The following ZNF705G variants were observed in gnomAD, a reference collection of about 807,000 sequenced individuals.
ZNF705G encodes zinc finger protein 705G.
A neutral mutation model predicts 19.6 loss-of-function variants in ZNF705G; 23 were observed. That is an observed-to-expected ratio of 1.17 (90% CI 0.84 to 1.66). ZNF705G has a LOEUF of 1.66. ZNF705G is among the 40% of genes most tolerant of loss of function. The pLI, the probability that ZNF705G is intolerant of heterozygous loss-of-function variation, is 0.00. For missense variants in ZNF705G, 457 were observed against 354.4 expected, an observed-to-expected ratio of 1.29 and a Z score of -2.32; for synonymous variants, 146 against 117.7, an observed-to-expected ratio of 1.24 and a Z score of -1.56.
At position 7,361,342 on chromosome 8, in the gene ZNF705G, G is replaced by A. The variant is rs1392198364; in HGVS notation, c.13-106C>T. On this transcript the variant is annotated intron_variant, in intron 3 of 6. Transcript: ENST00000400156. ...AGCAGCTGGGTATGCAGAATACTCAGTGTTTTGGGTTCCAGCCAGTTCATT... is the reference window on the plus strand; with the variant it reads ...AGCAGCTGGGTATGCAGAATACTCAATGTTTTGGGTTCCAGCCAGTTCATT... 7 of 1,576,626 alleles carry A rather than the reference G, an allele frequency of 4.4e-6. No individual in the cohort carries two copies. In the East Asian group the frequency reaches 6.7e-5, roughly 15 times the overall value.
intron 3 of ZNF705G, among the ~76,000 whole-genome samples, 176 bp downstream of exon 3, chr8:7,362,759 G>C (rs1365523256): frequency 3.3e-5 from 5 of 149,366 alleles, no homozygotes; most frequent in African/African-American, 5.2e-5. Context: ...TGGGGGGCCA[G>C]ATACCTGAAA....
At position 7,358,665 on chromosome 8, in the gene ZNF705G, G is replaced by T. The variant is rs565415120; in HGVS notation, c.319-105C>A. ...ACCAACCATTCAGTGGTAGACCCCA[G>T]TTGAAAGCTTTCCAATGTTTCTTGT... On this transcript the variant is annotated intron_variant, in intron 6 of 6. Transcript: ENST00000400156. 20 of 1,521,110 alleles carry T rather than the reference G, an allele frequency of 1.3e-5. No homozygotes were observed. The African/African-American group carries it at 1.8e-4, about 14-fold the overall frequency. 94.2% of individuals were successfully genotyped at this position (1,521,110 alleles called of 1,614,324 possible).
In ZNF705G at chr8:7,358,586, T is replaced by C. The variant is rs1454505796; in HGVS notation, c.319-26A>G. ...CTTTGGGGCAAATATTAAAAGCTCT[T>C]AATGGTTTACCCACATATATCTATA... On this transcript the variant is annotated intron_variant, in intron 6 of 6. Transcript: ENST00000400156. 3.7e-6 allele frequency: 6 copies of C among 1,606,606 alleles called. 1 individual carries two copies. In the African/African-American group the frequency reaches 7.0e-5, roughly 19 times the overall value.
chr8:7,358,226 T>C lies in ZNF705G; in HGVS notation c.653A>G (p.His218Arg), dbSNP rs1563287906. 3 of 1,607,692 alleles carry C rather than the reference T, an allele frequency of 1.9e-6. 1 individual carries two copies. The highest frequency in any genetic ancestry group is 2.8e-5 in the African/African-American group (2 of 71,350). The change falls in exon 7 of 7, where the codon CAC becomes CGC. Residue 218 changes from histidine (H) to arginine (R), a missense_variant. Coordinates refer to ENST00000400156, the MANE Select transcript of ZNF705G (RefSeq NM_001164457.3). ...AFTQCSHLRR[H>R]EKTHTGQRPY... ...TCTCTGTCCCGTGTGAGTTTTCTCG[T>C]GTCTTCTAAGGTGAGAACACTGAGT...
intron 1 of ZNF705G, among the ~76,000 whole-genome samples, chr8:7,382,992 C>A (rs1160635851): frequency 2.7e-5 from 4 of 148,064 alleles, no homozygotes; most frequent in Non-Finnish European, 5.9e-5. Context: ...CCTTTTTGAA[C>A]TCATACCCTA....
At chr8:7,366,063 T>C (rs1199057547) in intron 2 of ZNF705G, among the ~76,000 whole-genome samples, 26 of 149,364 alleles carry the variant, frequency 1.7e-4, no homozygotes, top group South Asian at 2.1e-4. Flanking sequence ...AATGAACAAA[T>C]AGAAAAGCAA....
Position 7,361,140 on chromosome 8 carries a change from G to T in ZNF705G, c.109C>A (p.Leu37Met), listed in dbSNP as rs1369322452. 6.3e-7 allele frequency: 1 copy of T among 1,592,918 alleles called. No individual in the cohort carries two copies. Among genetic ancestry groups the T allele is most frequent in the Admixed American group, 1.7e-5 (1 of 59,940 alleles). The change falls in exon 4 of 7, where the codon CTG becomes ATG. Residue 37 changes from leucine to methionine, a missense_variant. By Grantham distance (15) the Leu-to-Met change is conservative. Coordinates refer to ENST00000400156, the MANE Select transcript of ZNF705G (RefSeq NM_001164457.3). ...GACACCAGGTGACTGATATTTTCCA[G>T]CATCACATCTCTGTACAGCTTTCTC... ...SKRKLYRDVM[L>M]ENISHLVSLG...
intron 2 of ZNF705G, 62 bp from the exon 3 acceptor site, chr8:7,363,079 T>G: frequency 6.3e-7 from 1 of 1,582,622 alleles, no homozygotes; most frequent in South Asian, 1.1e-5. Flanking sequence ...GATCAATCTG[T>G]GATGAAAAGC....
In ZNF705G at chr8:7,358,373, C is replaced by T. The variant is rs1418466547; in HGVS notation, c.506G>A (p.Gly169Asp). The T allele has an allele frequency of 6.2e-7, 1 of 1,607,546 alleles. No homozygotes were observed. Among genetic ancestry groups the T allele is most frequent in the Non-Finnish European group, 8.5e-7 (1 of 1,179,600 alleles). Residue 169 changes from glycine to aspartate, a missense_variant, in exon 7 of 7, where the codon GGT (glycine) becomes GAT (aspartate). Transcript: ENST00000400156. ...TEPHKQIHTK[G>D]KSYQCNLCEK... is the part of the protein sequence containing the mutation. ...ACATAGATTACACTGATATGATTTA[C>T]CTTTAGTATGAATTTGTTTATGTGG...
At chr8:7,383,183 T>G (rs1201002212) in intron 1 of ZNF705G, among the ~76,000 whole-genome samples, 4 of 149,424 alleles carry the variant, frequency 2.7e-5, no homozygotes, top group Non-Finnish European at 5.9e-5. Flanking sequence ...AGGCAGGCTC[T>G]TACCATGTCA....
intron 1 of ZNF705G, among the ~76,000 whole-genome samples, chr8:7,383,151 C>T (rs184046308): frequency 0.026 from 3,375 of 127,454 alleles, 16 homozygotes; most frequent in Admixed American, 0.093. Flanking sequence ...TTTTTTGCTA[C>T]CTGGTTAAAA....
chr8:7,384,459 G>GA (rs1199611165), intron 1 of ZNF705G, among the ~76,000 whole-genome samples: 4 of 145,618 alleles, frequency 2.7e-5, no homozygotes, highest in Non-Finnish European at 4.4e-5. Context: ...CAACAAACAT[G>GA]AAAAAAAGCT....
intron 1 of ZNF705G, among the ~76,000 whole-genome samples, chr8:7,382,665 C>G (rs1254374992): frequency 6.8e-6 from 1 of 146,606 alleles, no homozygotes; most frequent in Non-Finnish European, 1.5e-5. Context: ...AGATTACTTT[C>G]TGTCAACTGC....
intron 2 of ZNF705G, among the ~76,000 whole-genome samples, chr8:7,376,746 T>C (rs1807255528): frequency 6.7e-6 from 1 of 150,210 alleles, no homozygotes; most frequent in African/African-American, 2.5e-5. Context: ...TATTTATGTA[T>C]TAAACACATA....
intron 2 of ZNF705G, among the ~76,000 whole-genome samples, chr8:7,368,830 A>G (rs1806973201): frequency 6.7e-6 from 1 of 149,524 alleles, no homozygotes. Flanking sequence ...AGGGCCCCAG[A>G]CATTGTTTGG....
chr8:7,379,816 G>A (rs1563302517), intron 2 of ZNF705G, among the ~76,000 whole-genome samples: 1 of 147,156 alleles, frequency 6.8e-6, no homozygotes, highest in African/African-American at 2.7e-5. Flanking sequence ...GAAGGAGTTG[G>A]CACTGGATCG....
At chr8:7,381,734 G>GA (rs2128848548) in intron 1 of ZNF705G, 133 bp from the exon 2 acceptor site, 1 of 149,054 alleles carries the variant, frequency 6.7e-6, no homozygotes, top group Non-Finnish European at 1.5e-5. Flanking sequence ...TAGACACTGT[G>GA]AACTACTAGA....
intron 2 of ZNF705G, among the ~76,000 whole-genome samples, chr8:7,367,127 T>C (rs11984912): frequency 0.37 from 54,604 of 146,712 alleles, 5,364 homozygotes; most frequent in African/African-American, 0.5. Context: ...TATGAGAATG[T>C]GAAGTAACAA....
chr8:7,361,018 T>A lies in ZNF705G; in HGVS notation c.139+92A>T, dbSNP rs1423372787. On this transcript the variant is annotated intron_variant, in intron 4 of 6. Transcript: ENST00000400156. ...ATCTGTGAGAGAATCAGAGAAGAGA[T>A]TAGAGTGAGATATGGGGAAGCTGTT... 2.2e-5 allele frequency: 35 copies of A among 1,585,542 alleles called. 3 individuals are homozygous for A. In the African/African-American group the frequency reaches 4.6e-4, roughly 21 times the overall value.
Sources: gnomAD v4.1 joint callset for allele counts (sites outside exome capture counted in the v4.1 genomes callset) on GRCh38, gnomAD v4.1.1 for gene constraint, MANE v1.5 for transcripts, NCBI Gene and HGNC (gene_info 2026-07-23, HGNC 2026-07-21) for gene names.